Variants in MACROD2 observed in about 807,000 individuals in gnomAD.
The protein encoded by MACROD2 is ADP-ribose glycohydrolase MACROD2.
Under a neutral mutation model 70.4 loss-of-function variants are expected in MACROD2, and 36 were observed. The observed-to-expected ratio is 0.51, with a 90% confidence interval of 0.39 to 0.68. The LOEUF (loss-of-function observed/expected upper bound fraction) is 0.68. Ranked by LOEUF, MACROD2 falls within the 30% of genes least tolerant of loss-of-function variation. The pLI, the probability that MACROD2 is intolerant of heterozygous loss-of-function variation, is 0.00. For missense variants in MACROD2, 496 were observed against 538.4 expected (o/e 0.92, Z 0.78); for synonymous variants, 172 against 178.8 (o/e 0.96, Z 0.30).
At chr20:15,596,078 A>G (rs911505694) in intron 8 of MACROD2, among the ~76,000 whole-genome samples, 2 of 152,244 alleles carry the variant, frequency 1.3e-5, no homozygotes, top group African/African-American at 4.8e-5. Flanking sequence ...GAACCATGAT[A>G]CATGTACCCA....
chr20:15,451,964 C>T (rs982628687), intron 7 of MACROD2, among the ~76,000 whole-genome samples: 4 of 152,026 alleles, frequency 2.6e-5, no homozygotes, highest in Admixed American at 1.3e-4. Flanking sequence ...GTGAGGACAC[C>T]GTGGCCCAAC....
chr20:15,046,417 G>C (rs1447828180), intron 5 of MACROD2, among the ~76,000 whole-genome samples: 1 of 152,128 alleles, frequency 6.6e-6, no homozygotes, highest in African/African-American at 2.4e-5. Context: ...CCATGACCAA[G>C]ATTAAACCCA....
At chr20:14,812,898 G>C (rs934207644) in intron 5 of MACROD2, among the ~76,000 whole-genome samples, 8 of 152,038 alleles carry the variant, frequency 5.3e-5, no homozygotes, top group African/African-American at 1.7e-4. Flanking sequence ...AATGCCAGTA[G>C]CAAGCCCCAG....
At chr20:15,255,840 T>G (rs1156237607) in intron 6 of MACROD2, among the ~76,000 whole-genome samples, 1 of 152,150 alleles carries the variant, frequency 6.6e-6, no homozygotes, top group African/African-American at 2.4e-5. Flanking sequence ...CTTGACTCTA[T>G]GTCTTGGTGC....
At chr20:15,646,988 GT>G (rs1283519047) in intron 8 of MACROD2, among the ~76,000 whole-genome samples, 1 of 152,202 alleles carries the variant, frequency 6.6e-6, no homozygotes, top group African/African-American at 2.4e-5. Flanking sequence ...TCCATACTGT[GT>G]GTCCTTCACC....
At chr20:14,329,250 C>A (rs1445514650) in intron 3 of MACROD2, 5 of 151,980 alleles carry the variant, frequency 3.3e-5, no homozygotes, top group Non-Finnish European at 7.4e-5. Flanking sequence ...AAACTAAATT[C>A]TTCATTTAAA....
At chr20:15,415,377 T>A (rs1449351606) in intron 6 of MACROD2, among the ~76,000 whole-genome samples, 1 of 152,220 alleles carries the variant, frequency 6.6e-6, no homozygotes, top group East Asian at 1.9e-4. Context: ...CTCAATTACA[T>A]TAAGTGATGT....
At chr20:15,417,019 G>A (rs2046161437) in intron 6 of MACROD2, among the ~76,000 whole-genome samples, 1 of 152,204 alleles carries the variant, frequency 6.6e-6, no homozygotes, top group East Asian at 1.9e-4. Context: ...CCAGTTTGTT[G>A]AGAGAACATG....
At position 14,155,597 on chromosome 20, in the gene MACROD2, A is replaced by G. The variant is rs78919989; in HGVS notation, c.271+69869A>G. On this transcript the variant is annotated intron_variant, in intron 3 of 17. Transcript: ENST00000684519. ...AACTTTAAGCCTTTAGTCTGGCTTT[A>G]TTTAAACAAGTCAAGATAAATGTGT... 7.7e-3 allele frequency among the ~76,000 whole-genome samples: 1,176 copies of G among 152,292 alleles called. 17 individuals are homozygous for G. The highest frequency in any genetic ancestry group is 0.026 in the African/African-American group (1,085 of 41,564).
intron 3 of MACROD2, among the ~76,000 whole-genome samples, chr20:14,097,511 A>G (rs376211690): frequency 2.0e-5 from 3 of 152,342 alleles, no homozygotes; most frequent in African/African-American, 4.8e-5. Flanking sequence ...CCTACCCCAT[A>G]CTACAAGGAG....
intron 8 of MACROD2, among the ~76,000 whole-genome samples, chr20:15,698,472 G>A (rs943708679): frequency 1.3e-5 from 2 of 152,092 alleles, no homozygotes; most frequent in Non-Finnish European, 2.9e-5. Context: ...TTCCTTCATG[G>A]GTTACTGGTG....
At chr20:15,887,296 C>G (rs1340919900) in intron 10 of MACROD2, among the ~76,000 whole-genome samples, 1 of 152,138 alleles carries the variant, frequency 6.6e-6, no homozygotes, top group African/African-American at 2.4e-5. Context: ...TCTATCTACT[C>G]TTCTCCAGTC....
At chr20:15,784,557 T>G (rs2147044584) in intron 8 of MACROD2, among the ~76,000 whole-genome samples, 1 of 152,308 alleles carries the variant, frequency 6.6e-6, no homozygotes, top group Middle Eastern at 3.4e-3. Flanking sequence ...ATTTTTAAAC[T>G]GACTTCTACT....
chr20:15,403,966 A>G (rs1377897135), intron 6 of MACROD2, among the ~76,000 whole-genome samples: 1 of 152,224 alleles, frequency 6.6e-6, no homozygotes. Context: ...GAGGAGTATC[A>G]GCAATTTTCA....
intron 7 of MACROD2, among the ~76,000 whole-genome samples, chr20:15,485,780 T>C (rs2047155948): frequency 6.6e-6 from 1 of 152,202 alleles, no homozygotes; most frequent in South Asian, 2.1e-4. Context: ...AAATGGTACA[T>C]GCATCACTTC....
chr20:14,975,314 C>T (rs1051139235), intron 5 of MACROD2, among the ~76,000 whole-genome samples: 11 of 152,040 alleles, frequency 7.2e-5, no homozygotes, highest in Admixed American at 5.9e-4. Context: ...CAGTGGTTGA[C>T]GTGGTTGCAG....
chr20:15,773,464 G>A (rs2051670699), intron 8 of MACROD2, among the ~76,000 whole-genome samples: 1 of 152,084 alleles, frequency 6.6e-6, no homozygotes, highest in African/African-American at 2.4e-5. Flanking sequence ...GTAAGATGAT[G>A]ATTACAAAGC....
At chr20:14,043,324 C>T (rs1021051092) in intron 2 of MACROD2, among the ~76,000 whole-genome samples, 1 of 152,128 alleles carries the variant, frequency 6.6e-6, no homozygotes, top group Non-Finnish European at 1.5e-5. Flanking sequence ...TTACAGAACA[C>T]AGGGATACAC....
intron 5 of MACROD2, among the ~76,000 whole-genome samples, chr20:15,126,795 T>A (rs2095316215): frequency 1.3e-5 from 2 of 152,128 alleles, no homozygotes; most frequent in African/African-American, 4.8e-5. Context: ...GCCAGCTGTA[T>A]AATTGGGACT....
Sources: allele counts gnomAD v4.1 joint callset (sites outside exome capture counted in the v4.1 genomes callset), GRCh38; gene constraint gnomAD v4.1.1; transcripts MANE v1.5; gene names NCBI Gene and HGNC (gene_info 2026-07-23, HGNC 2026-07-21).